RSPO2: variants seen among roughly 807,000 people sequenced by gnomAD.
The protein encoded by RSPO2 is R-spondin-2.
A neutral mutation model predicts 30.9 loss-of-function variants in RSPO2; 14 were observed. The ratio of observed to expected loss-of-function variants is 0.45; its 90% CI spans 0.30 to 0.71. The LOEUF (loss-of-function observed/expected upper bound fraction) is 0.71. Among genes scored for constraint, RSPO2 ranks in the 30% least tolerant of loss-of-function variants. RSPO2 has a pLI of 0.08. For synonymous variants in RSPO2, 107 were observed against 96.4 expected (o/e 1.11, Z -0.64); for missense variants, 264 against 301.9 (o/e 0.87, Z 0.93).
intron 5 of RSPO2, among the ~76,000 whole-genome samples, chr8:107,940,834 A>G (rs1421607427): frequency 6.6e-6 from 1 of 152,192 alleles, no homozygotes; most frequent in Non-Finnish European, 1.5e-5. Context: ...CGTTTTAGCC[A>G]TTGATGAAAA....
chr8:108,026,364 T>G (rs895065032), intron 2 of RSPO2, among the ~76,000 whole-genome samples: 2 of 152,096 alleles, frequency 1.3e-5, no homozygotes, highest in Non-Finnish European at 2.9e-5. Context: ...AAAGCAGAGG[T>G]GCAATTGGCA....
At chr8:108,061,715 A>C (rs1812472166) in intron 2 of RSPO2, among the ~76,000 whole-genome samples, 1 of 151,942 alleles carries the variant, frequency 6.6e-6, no homozygotes, top group African/African-American at 2.4e-5. Context: ...TCGCCACCCC[A>C]AATCAACAGA....
rs145702947 is a variant in RSPO2 at position 108,053,561 on chromosome 8, C to A, written c.94+28984G>T. ...TATATAATAAAAGCAGACATTACTT[C>A]TCTGTTACATCAATTAAGACATTTT... is the stretch of plus-strand genomic sequence containing the variant. On this transcript the variant is annotated intron_variant, in intron 2 of 5. Transcript: ENST00000276659. Among the ~76,000 whole-genome samples the A allele has an allele frequency of 2.0e-5, 3 of 152,252 alleles. No homozygotes were observed. In the East Asian group the frequency reaches 5.8e-4, roughly 29 times the overall value.
intron 5 of RSPO2, among the ~76,000 whole-genome samples, chr8:107,937,489 T>G (rs1168657893): frequency 9.1e-6 from 1 of 109,582 alleles, no homozygotes; most frequent in East Asian, 3.4e-4. Flanking sequence ...TGTGTCCAAG[T>G]CCACATAGTT....
chr8:108,044,274 G>A (rs1328016021), intron 2 of RSPO2, among the ~76,000 whole-genome samples: 6 of 151,960 alleles, frequency 3.9e-5, no homozygotes, highest in African/African-American at 1.2e-4. Flanking sequence ...GGATACACAC[G>A]CAGGTTTGTT....
At chr8:108,050,839 C>T (rs1330574356) in intron 2 of RSPO2, among the ~76,000 whole-genome samples, 1 of 152,068 alleles carries the variant, frequency 6.6e-6, no homozygotes, top group Non-Finnish European at 1.5e-5. Flanking sequence ...AGACTACCTC[C>T]AACTCCAAGG....
intron 2 of RSPO2, among the ~76,000 whole-genome samples, chr8:108,017,699 T>A (rs1810937926): frequency 6.6e-6 from 1 of 152,214 alleles, no homozygotes; most frequent in Admixed American, 6.5e-5. Flanking sequence ...AATGTGTGTG[T>A]ACAACTTTGA....
At chr8:107,910,188 T>C (rs1026257335) in intron 5 of RSPO2, among the ~76,000 whole-genome samples, 1 of 152,162 alleles carries the variant, frequency 6.6e-6, no homozygotes, top group African/African-American at 2.4e-5. Context: ...AACAAGAAGA[T>C]GTAATACCTT....
At chr8:107,990,520 G>A (rs2130528707) in intron 2 of RSPO2, among the ~76,000 whole-genome samples, 1 of 152,174 alleles carries the variant, frequency 6.6e-6, no homozygotes, top group East Asian at 1.9e-4. Context: ...ATCTCTATAA[G>A]GAGAACAACA....
chr8:108,055,999 C>A (rs1398719999), intron 2 of RSPO2, among the ~76,000 whole-genome samples: 1 of 152,162 alleles, frequency 6.6e-6, no homozygotes, highest in Admixed American at 6.5e-5. Flanking sequence ...AAACCATTCA[C>A]CCTCTGGTCC....
At chr8:108,054,947 C>G (rs1563581331) in intron 2 of RSPO2, among the ~76,000 whole-genome samples, 2 of 151,956 alleles carry the variant, frequency 1.3e-5, no homozygotes, top group Admixed American at 6.6e-5. Context: ...AACCCTGTCT[C>G]TAACAAAACA....
chr8:108,067,082 A>G (rs185970457), intron 2 of RSPO2, among the ~76,000 whole-genome samples: 1 of 152,340 alleles, frequency 6.6e-6, no homozygotes, highest in Non-Finnish European at 1.5e-5. Flanking sequence ...AAGATGTGAG[A>G]TATTCTGCAG....
intron 5 of RSPO2, among the ~76,000 whole-genome samples, chr8:107,929,601 A>G (rs912653725): frequency 6.6e-6 from 1 of 152,168 alleles, no homozygotes; most frequent in African/African-American, 2.4e-5. Context: ...ATACAGATAA[A>G]TGGGTTCAGT....
In RSPO2 at chr8:108,062,846, C is replaced by A. The variant is rs557343561; in HGVS notation, c.94+19699G>T. On this transcript the variant is annotated intron_variant, in intron 2 of 5. Coordinates refer to ENST00000276659, the MANE Select transcript of RSPO2 (RefSeq NM_178565.5). Reference sequence around the variant, plus strand: ...AGCTTATCCACCATGATCAAGTGGGCTTCATCCCTGGAATGCAAAGCTGGT... The same window carrying A: ...AGCTTATCCACCATGATCAAGTGGGATTCATCCCTGGAATGCAAAGCTGGT... Among the ~76,000 whole-genome samples, 827 of 151,952 alleles carry A rather than the reference C, an allele frequency of 5.4e-3. 2 individuals carry two copies. The highest frequency in any genetic ancestry group is 9.5e-3 in the Non-Finnish European group (645 of 68,030).
intron 2 of RSPO2, among the ~76,000 whole-genome samples, chr8:107,996,595 T>TA (rs1815033542): frequency 6.6e-6 from 1 of 152,216 alleles, no homozygotes; most frequent in Admixed American, 6.5e-5. Flanking sequence ...TTCACTGTCC[T>TA]ACAGTCATCA....
intron 5 of RSPO2, among the ~76,000 whole-genome samples, chr8:107,923,657 T>C (rs916000817): frequency 2.0e-5 from 3 of 152,116 alleles, no homozygotes; most frequent in Non-Finnish European, 2.9e-5. Context: ...AGCCAAGACA[T>C]GGAATCACCC....
intron 2 of RSPO2, among the ~76,000 whole-genome samples, chr8:108,023,448 A>C (rs930565264): frequency 1.3e-5 from 2 of 152,344 alleles, no homozygotes; most frequent in Non-Finnish European, 2.9e-5. Context: ...TGAGGATCAG[A>C]TAAAACACAA....
intron 3 of RSPO2, among the ~76,000 whole-genome samples, chr8:107,973,906 G>A (rs1814111306): frequency 6.6e-6 from 1 of 152,082 alleles, no homozygotes; most frequent in Non-Finnish European, 1.5e-5. Context: ...TTTCCTAAAT[G>A]CGTCCTCAAT....
intron 5 of RSPO2, among the ~76,000 whole-genome samples, chr8:107,908,362 T>C (rs761933751): frequency 2.0e-5 from 3 of 152,134 alleles, no homozygotes; most frequent in African/African-American, 4.8e-5. Context: ...GTGTTTCACA[T>C]AGGTAAGCAC....
Sources: gnomAD v4.1 joint callset for allele counts (sites outside exome capture counted in the v4.1 genomes callset) on GRCh38, gnomAD v4.1.1 for gene constraint, MANE v1.5 for transcripts, NCBI Gene and HGNC (gene_info 2026-07-23, HGNC 2026-07-21) for gene names.